SPNS3: variants seen among roughly 807,000 people sequenced by gnomAD.
SPNS3 encodes SPNS lysolipid transporter 3, sphingosine-1-phosphate (putative).
SPNS3 carries 51 observed loss-of-function variants against 54.4 expected under a neutral mutation model. That is an observed-to-expected ratio of 0.94 (90% CI 0.75 to 1.18). The LOEUF (loss-of-function observed/expected upper bound fraction) is 1.18, where lower values mean the gene tolerates loss of function less well. Among genes scored for constraint, SPNS3 ranks in the 50% most tolerant of loss-of-function variants. SPNS3 has a pLI of 0.00. For synonymous variants in SPNS3, 309 were observed against 294.7 expected, an observed-to-expected ratio of 1.05 and a Z score of -0.50; for missense variants, 669 against 677.4, an observed-to-expected ratio of 0.99 and a Z score of 0.14.
rs180994118 is a variant in SPNS3 at position 4,439,464 on chromosome 17, G to A, written c.200-194G>A. ...TTCTTTGAGTGTTTGAAATGCACAC[G>A]TTTCTCTGTGTGCCTGCTCTTGTGT... is the stretch of plus-strand genomic sequence containing the variant. On this transcript the variant is annotated intron_variant, in intron 1 of 11. Transcript: ENST00000355530. Among the ~76,000 whole-genome samples the A allele has an allele frequency of 7.2e-5, 11 of 152,256 alleles. No homozygotes were observed. In the East Asian group the frequency reaches 1.5e-3, roughly 21 times the overall value.
At position 4,445,097 on chromosome 17, in the gene SPNS3, A is replaced by G; in HGVS notation, c.331A>G (p.Lys111Glu). The change falls in exon 3 of 12, where the codon AAG (lysine) becomes GAG (glutamate). Residue 111 changes from lysine (K) to glutamate (E), a missense_variant. Transcript: ENST00000355530. Reference sequence around the variant, plus strand: ...CTACCTGGGCGACCGACATAGCCGCAAGGCTACCATGAGCTTCGGTATCTT... The same window carrying G: ...CTACCTGGGCGACCGACATAGCCGCGAGGCTACCATGAGCTTCGGTATCTT... ...FGYLGDRHSR[K>E]ATMSFGILLW... The G allele has an allele frequency of 6.2e-7, 1 of 1,614,102 alleles. No homozygotes were observed.
intron 8 of SPNS3, among the ~76,000 whole-genome samples, chr17:4,461,895 TA>T (rs1357775306): frequency 1.3e-5 from 2 of 152,038 alleles, no homozygotes; most frequent in African/African-American, 4.8e-5. Flanking sequence ...GTGGAGGTGT[TA>T]GTAGACAGTT....
intron 8 of SPNS3, among the ~76,000 whole-genome samples, chr17:4,462,142 C>A (rs7501883): frequency 0.78 from 10,867 of 13,864 alleles, 4,060 homozygotes; most frequent in South Asian, 0.85. Context: ...TCCATCCATC[C>A]ATCCATCCAT....
intron 2 of SPNS3, among the ~76,000 whole-genome samples, chr17:4,443,118 T>C (rs1164203430): frequency 6.6e-6 from 1 of 152,118 alleles, no homozygotes; most frequent in African/African-American, 2.4e-5. Context: ...TCACACAGGC[T>C]GGAGTGCAGT....
chr17:4,475,447 C>A (rs1012401554), intron 8 of SPNS3, among the ~76,000 whole-genome samples: 2 of 152,162 alleles, frequency 1.3e-5, no homozygotes, highest in African/African-American at 2.4e-5. Flanking sequence ...GAGGAACGTG[C>A]GGATGCAAAA....
rs960211203 is a variant in SPNS3, at chr17:4,483,939, G to A, written c.1180-2289G>A. Among the ~76,000 whole-genome samples, 1 of 152,176 alleles carries A rather than the reference G, an allele frequency of 6.6e-6. No individual in the cohort carries two copies. The highest frequency in any genetic ancestry group is 1.9e-4 in the East Asian group (1 of 5,200). On this transcript the variant is annotated intron_variant, in intron 9 of 11. Transcript: ENST00000355530. The surrounding 1 kb of genome is among the most constrained non-coding windows in gnomAD (Gnocchi z 4.2). The stretch of plus-strand genomic sequence containing the variant: ...CACACCGTCGCTTACACTGTCCCCT[G>A]CCTGGAATGCCTTTCCCCGTCTCTT...
intron 8 of SPNS3, among the ~76,000 whole-genome samples, chr17:4,454,781 C>T (rs766555423): frequency 4.3e-4 from 66 of 151,740 alleles, no homozygotes; most frequent in African/African-American, 1.3e-3. Flanking sequence ...CCACCAAGCC[C>T]GGCTAATTTT....
Position 4,486,147 on chromosome 17 carries a change from G to T in SPNS3, c.1180-81G>T. The T allele has an allele frequency of 7.7e-7, 1 of 1,301,522 alleles. No individual in the cohort carries two copies. The allele number at this position is 1,301,522 out of a possible 1,614,324, so 80.6% of individuals were successfully genotyped here. A position where few individuals can be genotyped will look rare whatever the true frequency, so the allele number is the denominator to read the frequency against. Reference sequence around the variant, plus strand: ...ACCTGAATGGCCTGTCACTCCTCCAGGCAGGTCCTTGGCAGGTGGGGAACA... The same window carrying T: ...ACCTGAATGGCCTGTCACTCCTCCATGCAGGTCCTTGGCAGGTGGGGAACA... On this transcript the variant is annotated intron_variant, in intron 9 of 11. Transcript: ENST00000355530. This position sits in a 1 kb window ranked among gnomAD's most constrained non-coding sequence, Gnocchi z 5.5.
At chr17:4,447,034 C>T (rs1329529278) in intron 5 of SPNS3, 72 bp downstream of exon 5, 14 of 1,562,218 alleles carry the variant, frequency 9.0e-6, no homozygotes, top group Non-Finnish European at 9.7e-6. Flanking sequence ...CTTGGGTGAC[C>T]TTAGCCACTT....
rs769242054 is a variant in SPNS3, at chr17:4,433,946, A to G, written c.-22A>G. 2.1e-5 allele frequency: 31 copies of G among 1,492,978 alleles called. 1 individual carries two copies. The highest frequency in any genetic ancestry group is 7.1e-5 in the African/African-American group (5 of 69,980). The allele number at this position is 1,492,978 out of a possible 1,614,324, so 92.5% of individuals were successfully genotyped here. A position where few individuals can be genotyped will look rare whatever the true frequency, so the allele number is the denominator to read the frequency against. Reference sequence around the variant, plus strand: ...GTTGCTTCATCCTGGCGCCAGTCTCAGGCCAAGAGCTGCAGGCTGGCATGG... The same window carrying G: ...GTTGCTTCATCCTGGCGCCAGTCTCGGGCCAAGAGCTGCAGGCTGGCATGG... On this transcript the variant is annotated 5_prime_UTR_variant, in exon 1 of 12. Transcript: ENST00000355530.
chr17:4,481,626 G>C (rs953196865), intron 9 of SPNS3, among the ~76,000 whole-genome samples: 1 of 152,184 alleles, frequency 6.6e-6, no homozygotes, highest in Non-Finnish European at 1.5e-5. Context: ...GCCCAGGCTC[G>C]AGGACTCTGC....
chr17:4,473,458 C>T (rs147837736), intron 8 of SPNS3, among the ~76,000 whole-genome samples: 466 of 149,560 alleles, frequency 3.1e-3, no homozygotes, highest in African/African-American at 0.011. Context: ...AGTGCAGGTG[C>T]GATCTGTCAA....
At chr17:4,463,134 T>C (rs1313773584) in intron 8 of SPNS3, among the ~76,000 whole-genome samples, 5 of 152,024 alleles carry the variant, frequency 3.3e-5, no homozygotes, top group African/African-American at 9.7e-5. Context: ...TGCAGTGGCT[T>C]ACGCCTGTAA....
At chr17:4,484,343 C>G (rs1296590840) in intron 9 of SPNS3, among the ~76,000 whole-genome samples, 1 of 152,136 alleles carries the variant, frequency 6.6e-6, no homozygotes, top group Non-Finnish European at 1.5e-5. Context: ...TTTTTTGAGA[C>G]AGGATCTTGC....
intron 2 of SPNS3, among the ~76,000 whole-genome samples, chr17:4,442,017 T>TGTGTGTGTGTGTGTGTGTGTGTGTGTGTC (rs10692534): frequency 6.6e-6 from 1 of 150,574 alleles, no homozygotes; most frequent in African/African-American, 2.4e-5. Context: ...TGTGTGTGTG[T>TGTGTGTGTGTGTGTGTGTGTGTGTGTGTC]TTGGCAGTAG....
At position 4,486,119 on chromosome 17, in the gene SPNS3, C is replaced by G. The variant is rs1271197798; in HGVS notation, c.1180-109C>G. On this transcript the variant is annotated intron_variant, in intron 9 of 11. Transcript: ENST00000355530. The surrounding 1 kb of genome is among the most constrained non-coding windows in gnomAD (Gnocchi z 5.5). ...GGACCGTCGACTCCCTCCCATCCCACTCACCTGAATGGCCTGTCACTCCTC... is the reference window on the plus strand; with the variant it reads ...GGACCGTCGACTCCCTCCCATCCCAGTCACCTGAATGGCCTGTCACTCCTC... The G allele has an allele frequency of 1.1e-6, 1 of 948,230 alleles. No homozygotes were observed. Among genetic ancestry groups the G allele is most frequent in the African/African-American group, 1.7e-5 (1 of 59,222 alleles). The allele number at this position is 948,230 out of a possible 1,614,324, so 58.7% of individuals were successfully genotyped here. A position where few individuals can be genotyped will look rare whatever the true frequency, so the allele number is the denominator to read the frequency against.
At chr17:4,457,748 C>A (rs78370685) in intron 8 of SPNS3, among the ~76,000 whole-genome samples, 2 of 152,182 alleles carry the variant, frequency 1.3e-5, no homozygotes, top group Non-Finnish European at 2.9e-5. Flanking sequence ...CTGCCCCCCC[C>A]TCACCCCCTG....
At chr17:4,469,760 G>A (rs749036107) in intron 8 of SPNS3, among the ~76,000 whole-genome samples, 44 of 152,012 alleles carry the variant, frequency 2.9e-4, no homozygotes, top group Non-Finnish European at 4.7e-4. Flanking sequence ...GAGCTTGGAC[G>A]CATTCCACAT....
intron 8 of SPNS3, among the ~76,000 whole-genome samples, chr17:4,470,823 C>T (rs564285026): frequency 2.0e-5 from 3 of 152,272 alleles, no homozygotes; most frequent in African/African-American, 7.2e-5. Flanking sequence ...AAAGAGGACA[C>T]CAGCCTTCTT....
Sources: allele counts gnomAD v4.1 joint callset (sites outside exome capture counted in the v4.1 genomes callset), GRCh38; gene constraint gnomAD v4.1.1; non-coding constraint Gnocchi (gnomAD v3.1); transcripts MANE v1.5; gene names NCBI Gene and HGNC (gene_info 2026-07-23, HGNC 2026-07-21).